Variants in RSRC1 observed in about 807,000 individuals in gnomAD.
The protein encoded by RSRC1 is serine/Arginine-related protein 53.
In RSRC1, 39 loss-of-function variants were observed where a neutral mutation model predicts 49.1. The observed-to-expected ratio is 0.79, with a 90% CI of 0.61 to 1.04. The LOEUF (loss-of-function observed/expected upper bound fraction) is 1.04, where lower values mean the gene tolerates loss of function less well. RSRC1 is among the 50% of genes least tolerant of loss of function. RSRC1 has a pLI of 0.00. For missense variants in RSRC1, 388 were observed against 402.4 expected (o/e 0.96, Z 0.31); for synonymous variants, 143 against 130.8 (o/e 1.09, Z -0.63).
intron 4 of RSRC1, among the ~76,000 whole-genome samples, chr3:158,238,330 T>C (rs145295311): frequency 2.0e-5 from 3 of 152,334 alleles, no homozygotes; most frequent in African/African-American, 7.2e-5. Flanking sequence ...CCCATCAAGC[T>C]ACCAATGACT....
intron 6 of RSRC1, among the ~76,000 whole-genome samples, chr3:158,443,606 T>A (rs1200505357): frequency 6.6e-6 from 1 of 152,164 alleles, no homozygotes; most frequent in African/African-American, 2.4e-5. Flanking sequence ...CCACTCAAAC[T>A]TTGTCCCTAT....
chr3:158,233,790 G>A (rs1723094362), intron 4 of RSRC1, among the ~76,000 whole-genome samples: 1 of 152,128 alleles, frequency 6.6e-6, no homozygotes. Context: ...ATTTCCATCT[G>A]TGTAACCCTG....
intron 6 of RSRC1, among the ~76,000 whole-genome samples, chr3:158,412,850 G>GT (rs773896697): frequency 2.6e-5 from 4 of 151,602 alleles, no homozygotes; most frequent in Non-Finnish European, 4.4e-5. Flanking sequence ...TAGCTTTGGG[G>GT]TTTGTTTGCT....
intron 7 of RSRC1, among the ~76,000 whole-genome samples, chr3:158,503,897 T>C (rs1739728779): frequency 6.6e-6 from 1 of 152,136 alleles, no homozygotes; most frequent in Non-Finnish European, 1.5e-5. Context: ...CCAGGAGGCT[T>C]CCCATCCCAT....
chr3:158,502,454 A>G (rs995070712), intron 7 of RSRC1, among the ~76,000 whole-genome samples: 7 of 152,178 alleles, frequency 4.6e-5, no homozygotes, highest in African/African-American at 1.4e-4. Context: ...TCCCCCAAAT[A>G]TGTTTTCCAA....
chr3:158,386,133 T>C (rs1486910495), intron 6 of RSRC1, among the ~76,000 whole-genome samples: 1 of 152,120 alleles, frequency 6.6e-6, no homozygotes, highest in Non-Finnish European at 1.5e-5. Flanking sequence ...TTTAAGGTAT[T>C]ATATGTTTTA....
At position 158,203,202 on chromosome 3, in the gene RSRC1, A is replaced by C. The variant is rs926887529; in HGVS notation, c.451A>C (p.Lys151Gln). The C allele has an allele frequency of 3.7e-6, 6 of 1,610,104 alleles. No individual in the cohort carries two copies. Among genetic ancestry groups the C allele is most frequent in the Middle Eastern group, 1.7e-4 (1 of 6,056 alleles). ...AGATAAAGAGAAAAGAGAAAAGGAGAAGGATAAAGGGAAGGACAAGGAATT... is the reference window on the plus strand; with the variant it reads ...AGATAAAGAGAAAAGAGAAAAGGAGCAGGATAAAGGGAAGGACAAGGAATT... ...GRDKEKREKEKDKGKDKELHN... is the reference protein window; with the variant it reads ...GRDKEKREKEQDKGKDKELHN... The change falls in exon 4 of 10, where the codon AAG becomes CAG. Residue 151 changes from lysine (K) to glutamine (Q), a missense_variant. Transcript: ENST00000611884.
chr3:158,156,022 T>G (rs1045219683), intron 3 of RSRC1, among the ~76,000 whole-genome samples: 3 of 152,204 alleles, frequency 2.0e-5, no homozygotes, highest in African/African-American at 7.2e-5. Context: ...TGACTTCTCC[T>G]CTCTACCTAT....
At chr3:158,255,047 T>G (rs1425271442) in intron 4 of RSRC1, among the ~76,000 whole-genome samples, 1 of 152,218 alleles carries the variant, frequency 6.6e-6, no homozygotes, top group Non-Finnish European at 1.5e-5. Flanking sequence ...TAGTTTTCTT[T>G]TGCTGTGCAG....
At chr3:158,313,072 G>A (rs140575227) in intron 5 of RSRC1, among the ~76,000 whole-genome samples, 3 of 151,894 alleles carry the variant, frequency 2.0e-5, no homozygotes, top group East Asian at 3.9e-4. Context: ...TTTTCCCTTT[G>A]TTCAAAATAT....
At chr3:158,200,339 G>C (rs1720970768) in intron 3 of RSRC1, among the ~76,000 whole-genome samples, 1 of 152,014 alleles carries the variant, frequency 6.6e-6, no homozygotes, top group Non-Finnish European at 1.5e-5. Context: ...CGCCCGGCCT[G>C]GCCATTTACT....
intron 4 of RSRC1, among the ~76,000 whole-genome samples, chr3:158,281,328 C>CTTT (rs151165233): frequency 5.0e-5 from 7 of 141,010 alleles, no homozygotes; most frequent in African/African-American, 7.8e-5. Flanking sequence ...TGAGCATAAG[C>CTTT]TTTTTTTTTT....
rs1473534305 is a variant in RSRC1, at chr3:158,545,225, G to T, written c.*950G>T. 1.5e-5 allele frequency: 1 copy of T among 67,610 alleles called. No individual in the cohort carries two copies. Among genetic ancestry groups the T allele is most frequent in the Non-Finnish European group, 3.1e-5 (1 of 32,326 alleles). The allele number at this position is 67,610 out of a possible 1,614,324, so 4.2% of individuals were successfully genotyped here. ...TTTTTTTTTTTTTTTTTTTTGAGACGGAGTCTCGCTCTATCCCCCATGCTG... is the reference window on the plus strand; with the variant it reads ...TTTTTTTTTTTTTTTTTTTTGAGACTGAGTCTCGCTCTATCCCCCATGCTG... On this transcript the variant is annotated 3_prime_UTR_variant, in exon 10 of 10. Transcript: ENST00000611884.
At chr3:158,199,914 C>T (rs1450741504) in intron 3 of RSRC1, among the ~76,000 whole-genome samples, 1 of 152,124 alleles carries the variant, frequency 6.6e-6, no homozygotes. Flanking sequence ...CCCTTTTGAT[C>T]ATCATGAAGT....
Position 158,142,048 on chromosome 3 carries a change from A to G in RSRC1, c.320+18057A>G, listed in dbSNP as rs369636666. Among the ~76,000 whole-genome samples, 12 of 152,338 alleles carry G rather than the reference A, an allele frequency of 7.9e-5. No individual in the cohort carries two copies. In the East Asian group the frequency reaches 2.3e-3, roughly 29 times the overall value. ...AGGAGGCAGAGGTTGCAGTGAGCCA[A>G]GAGTGTGCCACTGCACTCCAGCCTG... On this transcript the variant is annotated intron_variant, in intron 3 of 9. Coordinates refer to ENST00000611884, the MANE Select transcript of RSRC1 (RefSeq NM_001271838.2).
At chr3:158,383,782 A>G (rs1186640043) in intron 6 of RSRC1, among the ~76,000 whole-genome samples, 1 of 152,194 alleles carries the variant, frequency 6.6e-6, no homozygotes, top group Non-Finnish European at 1.5e-5. Flanking sequence ...TTTATAATGC[A>G]TTATAGAAAG....
intron 3 of RSRC1, among the ~76,000 whole-genome samples, chr3:158,129,579 C>G (rs1410088042): frequency 6.6e-6 from 1 of 152,158 alleles, no homozygotes; most frequent in Non-Finnish European, 1.5e-5. Flanking sequence ...GCATAAGCCA[C>G]CGCGCCTGGC....
At position 158,412,517 on chromosome 3, in the gene RSRC1, C is replaced by A. The variant is rs147457648; in HGVS notation, c.584-48418C>A. ...ATATTTTCTATACATATTAAGTGTT[C>A]TTTTTATATTTGTTTATGTTATGGT... On this transcript the variant is annotated intron_variant, in intron 6 of 9. Coordinates refer to ENST00000611884, the MANE Select transcript of RSRC1 (RefSeq NM_001271838.2). 9.2e-3 allele frequency among the ~76,000 whole-genome samples: 1,398 copies of A among 152,082 alleles called. 14 individuals carry two copies. Among genetic ancestry groups the A allele is most frequent in the African/African-American group, 0.032 (1,332 of 41,504 alleles).
intron 4 of RSRC1, among the ~76,000 whole-genome samples, chr3:158,242,859 G>A (rs1026216964): frequency 2.6e-5 from 4 of 152,060 alleles, no homozygotes; most frequent in African/African-American, 9.7e-5. Context: ...CTTCTTTTGA[G>A]AAGTGTCTGT....
Sources: allele counts gnomAD v4.1 joint callset (sites outside exome capture counted in the v4.1 genomes callset), GRCh38; gene constraint gnomAD v4.1.1; transcripts MANE v1.5; gene names NCBI Gene and HGNC (gene_info 2026-07-23, HGNC 2026-07-21).